CLTCL1: variants seen among roughly 807,000 people sequenced by gnomAD.
The protein encoded by CLTCL1 is clathrin heavy chain 2.
CLTCL1 carries 159 observed loss-of-function variants against 190.0 expected under a neutral mutation model. The observed-to-expected ratio is 0.84, with a 90% CI of 0.74 to 0.95. The LOEUF (loss-of-function observed/expected upper bound fraction) is 0.95. Ranked by LOEUF, CLTCL1 falls within the 40% of genes least tolerant of loss-of-function variation. The pLI is 0.00. For missense variants in CLTCL1, 1,878 were observed against 2,033.4 expected (o/e 0.92, Z 1.47); for synonymous variants, 752 against 769.6 (o/e 0.98, Z 0.38).
At position 19,208,936 on chromosome 22, in the gene CLTCL1, G is replaced by C; in HGVS notation, c.3428C>G (p.Ser1143Ter). Residue 1143 changes from serine to a stop codon, truncating the protein, a stop_gained, in exon 21 of 33, where the codon TCA (serine) becomes TGA (stop). Transcript: ENST00000427926. LOFTEE classifies it high-confidence loss of function. Reference sequence around the variant, plus strand: ...GACTCACTTACTGCTCCTGCTGGCTGACTGAACAACTTCCAGGTAAGAGGA... The same window carrying C: ...GACTCACTTACTGCTCCTGCTGGCTCACTGAACAACTTCCAGGTAAGAGGA... ...DPSSYLEVVQ[S>*]ASRSNNWEDL... is the part of the protein sequence containing the mutation. 1 of 1,608,086 alleles carries C rather than the reference G, an allele frequency of 6.2e-7. No individual in the cohort carries two copies. Among genetic ancestry groups the C allele is most frequent in the South Asian group, 1.1e-5 (1 of 89,690 alleles).
chr22:19,258,943 A>G, intron 2 of CLTCL1: 1 of 362,186 alleles, frequency 2.8e-6, no homozygotes, highest in Non-Finnish European at 5.1e-6. Flanking sequence ...TGGATCTTGC[A>G]ATGATTTTTT....
chr22:19,275,507 T>C (rs2087469775), intron 2 of CLTCL1, 116 bp downstream of exon 2: 1 of 1,109,730 alleles, frequency 9.0e-7, no homozygotes, highest in Admixed American at 2.3e-5. Flanking sequence ...TGGAATTAAG[T>C]GGAATACTAT....
intron 12 of CLTCL1, 38 bp downstream of exon 12, chr22:19,226,181 C>A (rs2085737149): frequency 6.2e-7 from 1 of 1,600,138 alleles, no homozygotes; most frequent in Admixed American, 1.7e-5. Flanking sequence ...ATTGCATAGA[C>A]AACAGCCATA....
intron 22 of CLTCL1, among the ~76,000 whole-genome samples, chr22:19,204,609 C>A (rs555402702): frequency 6.6e-6 from 1 of 152,230 alleles, no homozygotes; most frequent in Non-Finnish European, 1.5e-5. Context: ...CTCTGGCACA[C>A]AGCTAGCTGA....
chr22:19,256,568 C>T (rs1274530444), intron 2 of CLTCL1, among the ~76,000 whole-genome samples: 2 of 151,628 alleles, frequency 1.3e-5, no homozygotes, highest in Non-Finnish European at 2.9e-5. Flanking sequence ...ATGTTGGCCA[C>T]GCTGGTCTCA....
chr22:19,238,535 C>T (rs1236742822), intron 5 of CLTCL1: 3 of 217,372 alleles, frequency 1.4e-5, no homozygotes, highest in African/African-American at 2.3e-5. Flanking sequence ...TTAGCACACA[C>T]GGAACCACCA....
At chr22:19,224,845 T>C (rs1338432657) in intron 13 of CLTCL1, among the ~76,000 whole-genome samples, 3 of 152,196 alleles carry the variant, frequency 2.0e-5, no homozygotes, top group Non-Finnish European at 2.9e-5. Flanking sequence ...ACTGGACACA[T>C]GGCAGTGGCT....
chr22:19,208,981 T>C lies in CLTCL1; in HGVS notation c.3383A>G (p.Tyr1128Cys), dbSNP rs201862691. 3.3e-5 allele frequency: 53 copies of C among 1,611,996 alleles called. No homozygotes were observed. In the African/African-American group the frequency reaches 4.1e-4, roughly 13 times the overall value. ...AGAGGAAGGGTCGTCCCCTCTGATA[T>C]AGGAGTTGATGGCTTCCTTCACCAA... ...KDLVKEAINS[Y>C]IRGDDPSSYL... is the part of the protein sequence containing the mutation. The change falls in exon 21 of 33, where the codon TAT (tyrosine) becomes TGT (cysteine). Residue 1128 changes from tyrosine to cysteine, a missense_variant. By Grantham distance (194) the Tyr-to-Cys change is radical. Coordinates refer to ENST00000427926, the MANE Select transcript of CLTCL1 (RefSeq NM_007098.4).
chr22:19,183,545 G>C lies in CLTCL1; in HGVS notation c.4672C>G (p.Leu1558Val). The change falls in exon 30 of 33, where the codon CTG (leucine) becomes GTG (valine). Residue 1558 changes from leucine (L) to valine (V), a missense_variant. Physicochemically the swap from Leu to Val is conservative, Grantham distance 32 (BLOSUM62 1). Transcript: ENST00000427926. Reference sequence around the variant, plus strand: ...AAGCACTCCCTCTTGCCTTCCTCCAGGAACCACTGCAGCAACTTCTGGGCC... The same window carrying C: ...AAGCACTCCCTCTTGCCTTCCTCCACGAACCACTGCAGCAACTTCTGGGCC... ...ELAQKLLQWF[L>V]EEGKRECFAA... The C allele has an allele frequency of 6.2e-7, 1 of 1,613,814 alleles. No individual in the cohort carries two copies. Among genetic ancestry groups the C allele is most frequent in the Non-Finnish European group, 8.5e-7 (1 of 1,179,892 alleles).
At chr22:19,279,543 A>C (rs540832281) in intron 1 of CLTCL1, among the ~76,000 whole-genome samples, 6 of 152,312 alleles carry the variant, frequency 3.9e-5, no homozygotes, top group African/African-American at 1.2e-4. Flanking sequence ...AAACATGAAT[A>C]CCTGCAATCA....
intron 22 of CLTCL1, among the ~76,000 whole-genome samples, chr22:19,205,433 T>C (rs985197974): frequency 6.6e-6 from 1 of 152,128 alleles, no homozygotes; most frequent in African/African-American, 2.4e-5. Flanking sequence ...TGGCTTGAGC[T>C]CAGGAGGTCG....
Position 19,273,324 on chromosome 22 carries a change from T to A in CLTCL1, c.250+2299A>T, listed in dbSNP as rs2087384992. Among the ~76,000 whole-genome samples the A allele has an allele frequency of 2.0e-5, 3 of 150,660 alleles. No individual in the cohort carries two copies. The South Asian group carries it at 6.3e-4, about 32-fold the overall frequency. Reference sequence around the variant, plus strand: ...AAAATAAGATAAAGCCTTAAAATTATGTCCCTTTTTGGTTCCAGAGTCTTA... The same window carrying A: ...AAAATAAGATAAAGCCTTAAAATTAAGTCCCTTTTTGGTTCCAGAGTCTTA... On this transcript the variant is annotated intron_variant, in intron 2 of 32. Transcript: ENST00000427926.
rs2085512682 is a variant in CLTCL1, at chr22:19,219,891, A to G, written c.2913T>C (p.Ile971=). ...EETNPSRRQL[I]DQVVQTALSE... is the part of the protein sequence containing the mutation. ...ACCCATCTCTGTGCCTCACCTGGTC[A>G]ATTAGCTGTCTCCTGGATGGGTTGG... The change falls in exon 18 of 33, where the codon ATT becomes ATC. Residue 971 remains isoleucine, a synonymous_variant. Coordinates refer to ENST00000427926, the MANE Select transcript of CLTCL1 (RefSeq NM_007098.4). 6.2e-7 allele frequency: 1 copy of G among 1,614,050 alleles called. No individual in the cohort carries two copies. Among genetic ancestry groups the G allele is most frequent in the Non-Finnish European group, 8.5e-7 (1 of 1,179,896 alleles).
At chr22:19,258,637 C>A in intron 2 of CLTCL1, 1 of 633,170 alleles carries the variant, frequency 1.6e-6, no homozygotes, top group Non-Finnish European at 2.9e-6. Context: ...AATCTGGAGG[C>A]TGAGATCACC....
At chr22:19,208,524 C>A (rs1555944377) in intron 21 of CLTCL1, among the ~76,000 whole-genome samples, 1 of 152,124 alleles carries the variant, frequency 6.6e-6, no homozygotes, top group Admixed American at 6.6e-5. Context: ...GAGCCACACT[C>A]AGGCCACCTC....
chr22:19,197,051 G>A (rs555750346), intron 24 of CLTCL1, among the ~76,000 whole-genome samples: 10 of 152,228 alleles, frequency 6.6e-5, no homozygotes, highest in African/African-American at 1.9e-4. Context: ...ACGATGCCAC[G>A]TGGCTGTTGT....
chr22:19,206,132 C>T (rs1458730338), intron 22 of CLTCL1, among the ~76,000 whole-genome samples: 1 of 152,082 alleles, frequency 6.6e-6, no homozygotes. Context: ...CTCCATTTTG[C>T]CTGGGCTGGT....
intron 3 of CLTCL1, among the ~76,000 whole-genome samples, chr22:19,251,543 G>A (rs1055804738): frequency 1.9e-4 from 29 of 152,236 alleles, no homozygotes; most frequent in African/African-American, 6.3e-4. Context: ...TGCAAGCTCC[G>A]CCTCCCGGGT....
chr22:19,239,165 A>G (rs1353994975), intron 5 of CLTCL1, 110 bp downstream of exon 5: 1 of 834,036 alleles, frequency 1.2e-6, no homozygotes, highest in African/African-American at 1.7e-5. Flanking sequence ...AAAGCATCAC[A>G]GTGGCAGGAG....
Sources: allele counts gnomAD v4.1 joint callset (sites outside exome capture counted in the v4.1 genomes callset), GRCh38; gene constraint gnomAD v4.1.1; transcripts MANE v1.5; gene names NCBI Gene and HGNC (gene_info 2026-07-23, HGNC 2026-07-21).